The following SPON1 variants were observed in gnomAD, a reference collection of about 807,000 sequenced individuals.
SPON1 encodes spondin 1.
Under a neutral mutation model 111.7 loss-of-function variants are expected in SPON1, and 52 were observed. The observed-to-expected ratio is 0.47, with a 90% CI of 0.37 to 0.59. The LOEUF (loss-of-function observed/expected upper bound fraction) is 0.59, where lower values mean the gene tolerates loss of function less well. SPON1 is among the 20% of genes least tolerant of loss of function. SPON1 has a pLI of 0.00. For synonymous variants in SPON1, 410 were observed against 395.8 expected, an observed-to-expected ratio of 1.04 and a Z score of -0.43; for missense variants, 957 against 1,068.5, an observed-to-expected ratio of 0.90 and a Z score of 1.46.
intron 5 of SPON1, chr11:14,134,850 G>A (rs1847572081): frequency 6.6e-6 from 1 of 152,276 alleles, no homozygotes; most frequent in African/African-American, 2.4e-5. Context: ...TTTAGAGCAA[G>A]GCCATTCATG....
intron 3 of SPON1, among the ~76,000 whole-genome samples, chr11:14,065,201 C>T (rs1848822602): frequency 6.6e-6 from 1 of 152,190 alleles, no homozygotes; most frequent in African/African-American, 2.4e-5. Context: ...AGGTGGCCCG[C>T]CCTCAAGGAC....
At chr11:14,229,814 G>A (rs1554938469) in intron 6 of SPON1, among the ~76,000 whole-genome samples, 1 of 152,110 alleles carries the variant, frequency 6.6e-6, no homozygotes, top group African/African-American at 2.4e-5. Flanking sequence ...CCACCATACC[G>A]CTCTTCAATT....
At chr11:14,171,597 T>C (rs1334631113) in intron 6 of SPON1, among the ~76,000 whole-genome samples, 8 of 152,246 alleles carry the variant, frequency 5.3e-5, no homozygotes, top group Non-Finnish European at 1.0e-4. Flanking sequence ...GTGTCAATTT[T>C]AGATCTTTCC....
At chr11:14,085,088 G>A (rs1329024229) in intron 5 of SPON1, among the ~76,000 whole-genome samples, 1 of 152,146 alleles carries the variant, frequency 6.6e-6, no homozygotes, top group Non-Finnish European at 1.5e-5. Context: ...CTCCCACTCT[G>A]TAGGTTGCCT....
At chr11:14,175,301 C>G (rs782819106) in intron 6 of SPON1, among the ~76,000 whole-genome samples, 3 of 152,130 alleles carry the variant, frequency 2.0e-5, no homozygotes, top group Admixed American at 6.5e-5. Context: ...AATTCCTGTC[C>G]TCTGGATGGT....
intron 7 of SPON1, among the ~76,000 whole-genome samples, chr11:14,246,275 A>C (rs1036440304): frequency 4.6e-5 from 7 of 152,304 alleles, no homozygotes; most frequent in Non-Finnish European, 8.8e-5. Context: ...TTTTACCTTC[A>C]GCATCCCCTT....
chr11:14,131,095 G>A (rs902443593), intron 5 of SPON1, among the ~76,000 whole-genome samples: 3 of 152,018 alleles, frequency 2.0e-5, no homozygotes, highest in East Asian at 3.9e-4. Context: ...TACCACCATC[G>A]GCACTCAGCA....
At position 14,090,199 on chromosome 11, in the gene SPON1, G is replaced by GAAA. The variant is rs3047374; in HGVS notation, c.676+10198_676+10200dup. Reference sequence around the variant, plus strand: ...GGAGTTCCAGGCACCACTAGGGTATGAAAAAAAAAAAAAAAAAAAAAACTG... The same window carrying GAAA: ...GGAGTTCCAGGCACCACTAGGGTATGAAAAAAAAAAAAAAAAAAAAAAAAACTG... On this transcript the variant is annotated intron_variant, in intron 5 of 15. Coordinates refer to ENST00000576479, the MANE Select transcript of SPON1 (RefSeq NM_006108.4). Among the ~76,000 whole-genome samples, 10 of 113,252 alleles carry GAAA rather than the reference G, an allele frequency of 8.8e-5. No individual in the cohort carries two copies. The South Asian group carries it at 1.6e-3, about 18-fold the overall frequency. 74.3% of individuals were successfully genotyped at this position (113,252 alleles called of 152,430 possible).
intron 5 of SPON1, among the ~76,000 whole-genome samples, chr11:14,082,400 C>T (rs1848969585): frequency 6.6e-6 from 1 of 152,212 alleles, no homozygotes; most frequent in Non-Finnish European, 1.5e-5. Context: ...TACAGAATAG[C>T]ACTTAACATA....
chr11:14,201,837 G>A (rs2133897128), intron 6 of SPON1, among the ~76,000 whole-genome samples: 1 of 152,316 alleles, frequency 6.6e-6, no homozygotes, highest in South Asian at 2.1e-4. Flanking sequence ...GTAGGTGACT[G>A]TGAAGTGGTG....
intron 1 of SPON1, among the ~76,000 whole-genome samples, chr11:13,964,943 G>A (rs1848005254): frequency 6.6e-6 from 1 of 151,254 alleles, no homozygotes; most frequent in Non-Finnish European, 1.5e-5. Flanking sequence ...GTGTGACCTT[G>A]TGCAAGTCAT....
rs1265749983 is a variant in SPON1 at position 14,053,340 on chromosome 11, C to G, written c.479+11686C>G. Among the ~76,000 whole-genome samples the G allele has an allele frequency of 3.9e-5, 6 of 152,162 alleles. No individual in the cohort carries two copies. The South Asian group carries it at 1.2e-3, about 32-fold the overall frequency. On this transcript the variant is annotated intron_variant, in intron 3 of 15. Transcript: ENST00000576479. ...CCAGCCCCTGGCAATCACCAATCTACATTCCGGCTCTATGGACTTACCTAT... is the reference window on the plus strand; with the variant it reads ...CCAGCCCCTGGCAATCACCAATCTAGATTCCGGCTCTATGGACTTACCTAT...
At chr11:14,108,482 T>C (rs1849202087) in intron 5 of SPON1, among the ~76,000 whole-genome samples, 1 of 152,102 alleles carries the variant, frequency 6.6e-6, no homozygotes, top group Non-Finnish European at 1.5e-5. Context: ...ATGTACCAAG[T>C]GGAGAGAGGG....
At chr11:14,072,836 TC>T (rs1848887514) in intron 3 of SPON1, among the ~76,000 whole-genome samples, 1 of 152,056 alleles carries the variant, frequency 6.6e-6, no homozygotes, top group Admixed American at 6.5e-5. Context: ...GATCTGATCA[TC>T]TTAGTCCTCT....
chr11:14,014,093 C>T (rs984561850), intron 2 of SPON1, among the ~76,000 whole-genome samples: 4 of 152,082 alleles, frequency 2.6e-5, no homozygotes, highest in African/African-American at 7.2e-5. Context: ...CACATACTCC[C>T]GTCTCTGGCC....
intron 5 of SPON1, among the ~76,000 whole-genome samples, chr11:14,097,527 C>T (rs1222787291): frequency 8.5e-5 from 13 of 152,150 alleles, no homozygotes; most frequent in Admixed American, 6.5e-4. Flanking sequence ...AAAATGCTCT[C>T]GTTATTCCCA....
At chr11:14,084,289 C>T (rs188434277) in intron 5 of SPON1, among the ~76,000 whole-genome samples, 156 of 152,244 alleles carry the variant, frequency 1.0e-3, no homozygotes, top group Middle Eastern at 6.8e-3. Context: ...CTAATGCTCT[C>T]CCTCCCCTTG....
intron 6 of SPON1, among the ~76,000 whole-genome samples, chr11:14,152,311 A>G (rs1323645860): frequency 6.6e-6 from 1 of 152,208 alleles, no homozygotes; most frequent in Non-Finnish European, 1.5e-5. Flanking sequence ...CCTATTTCCC[A>G]ACAGACTCCA....
At chr11:14,212,197 C>G (rs975993776) in intron 6 of SPON1, among the ~76,000 whole-genome samples, 1 of 151,876 alleles carries the variant, frequency 6.6e-6, no homozygotes, top group South Asian at 2.1e-4. Context: ...GGAGTCCGGC[C>G]TTGTCTGTGC....
Sources: gnomAD v4.1 joint callset for allele counts (sites outside exome capture counted in the v4.1 genomes callset) on GRCh38, gnomAD v4.1.1 for gene constraint, MANE v1.5 for transcripts, NCBI Gene and HGNC (gene_info 2026-07-23, HGNC 2026-07-21) for gene names.